The following CEACAM4 variants were observed in gnomAD, a reference collection of about 807,000 sequenced individuals.
CEACAM4 encodes the protein cell adhesion molecule CEACAM4.
In CEACAM4, 30 loss-of-function variants were observed where a neutral mutation model predicts 28.7. The observed-to-expected ratio is 1.05, with a 90% CI of 0.78 to 1.42. CEACAM4 has a LOEUF of 1.42. Among genes scored for constraint, CEACAM4 ranks in the 40% most tolerant of loss-of-function variants. The pLI is 0.00. For missense variants in CEACAM4, 330 were observed against 308.2 expected (o/e 1.07, Z -0.53); for synonymous variants, 143 against 126.5 (o/e 1.13, Z -0.87).
intron 3 of CEACAM4, 31 bp from the exon 4 acceptor site, chr19:41,620,658 G>T (rs782227720): frequency 1.3e-6 from 2 of 1,599,094 alleles, no homozygotes; most frequent in Admixed American, 1.7e-5. Flanking sequence ...TCATGAGGGT[G>T]CAGGGAGAAA....
At chr19:41,613,475 G>A in the CEACAM4 span, among the ~76,000 whole-genome samples, 66 of 150,872 alleles carry the variant, frequency 4.4e-4, no homozygotes, top group African/African-American at 1.4e-3. Context: ...AGGTCCTGGG[G>A]GATACAGGCC....
chr19:41,616,650 G>A (rs80338008), downstream of CEACAM4, among the ~76,000 whole-genome samples: 2,167 of 152,244 alleles, frequency 0.014, 48 homozygotes, highest in African/African-American at 0.049. Flanking sequence ...ACAAGGCTCA[G>A]CCTGGAGGAG....
chr19:41,618,605 G>A (rs2071058069), downstream of CEACAM4, among the ~76,000 whole-genome samples: 1 of 152,156 alleles, frequency 6.6e-6, no homozygotes, highest in South Asian at 2.1e-4. Flanking sequence ...GGCAGCAGGG[G>A]TCAGGACACT....
At chr19:41,620,529 A>C in intron 4 of CEACAM4, 46 bp downstream of exon 4, 1 of 1,543,534 alleles carries the variant, frequency 6.5e-7, no homozygotes, top group Non-Finnish European at 8.9e-7. Flanking sequence ...TGGACACCGT[A>C]GGGCAGGCCT....
At chr19:41,620,453 T>C in intron 4 of CEACAM4, 122 bp downstream of exon 4, 8 of 945,722 alleles carry the variant, frequency 8.5e-6, no homozygotes, top group Non-Finnish European at 1.3e-5. Context: ...TGTGTCATGT[T>C]TCCTGACATC....
chr19:41,619,989 G>A (rs1261237161), intron 5 of CEACAM4, among the ~76,000 whole-genome samples: 1 of 152,156 alleles, frequency 6.6e-6, no homozygotes, highest in Non-Finnish European at 1.5e-5. Flanking sequence ...GGACTCCAGG[G>A]TTCTCCTCAG....
intron 6 of CEACAM4, 49 bp from the exon 7 acceptor site, chr19:41,619,444 G>A (rs2071116069): frequency 1.9e-6 from 3 of 1,604,924 alleles, no homozygotes; most frequent in East Asian, 2.2e-5. Flanking sequence ...TCTCAGAACA[G>A]TGTCTGGCAT....
chr19:41,618,640 G>A (rs527792451), downstream of CEACAM4, among the ~76,000 whole-genome samples: 22 of 152,270 alleles, frequency 1.4e-4, no homozygotes, highest in South Asian at 2.7e-3. Flanking sequence ...GGCCACAGCC[G>A]CAACCTATAC....
At chr19:41,620,860 A>G (rs563948808) in intron 3 of CEACAM4, among the ~76,000 whole-genome samples, 33 of 151,918 alleles carry the variant, frequency 2.2e-4, no homozygotes, top group African/African-American at 8.0e-4. Context: ...GGGTGAGGAG[A>G]ACATTGACCC....
downstream of CEACAM4, among the ~76,000 whole-genome samples, chr19:41,616,350 T>C (rs535200182): frequency 6.6e-6 from 1 of 152,274 alleles, no homozygotes; most frequent in South Asian, 2.1e-4. Context: ...GATTCTTCAG[T>C]GTGTTCTGAT....
downstream of CEACAM4, among the ~76,000 whole-genome samples, chr19:41,616,536 GATA>G (rs2070987088): frequency 9.1e-5 from 11 of 120,296 alleles, no homozygotes; most frequent in African/African-American, 3.4e-4. Flanking sequence ...TAGATAGATA[GATA>G]GATAGATATT....
chr19:41,626,971 G>A lies in CEACAM4; in HGVS notation c.-8C>T. On this transcript the variant is annotated 5_prime_UTR_variant, in exon 1 of 7. Transcript: ENST00000221954. ...GGCTGAGGGGGGGCCCATGGTCTCT[G>A]CTGCCTGCTTGTCCTCTGTGGAGAG... 6.2e-7 allele frequency: 1 copy of A among 1,600,850 alleles called. No homozygotes were observed. Among genetic ancestry groups the A allele is most frequent in the Admixed American group, 1.7e-5 (1 of 58,304 alleles).
At chr19:41,616,526 TAGATAGA>T (rs2070986395), downstream of CEACAM4, among the ~76,000 whole-genome samples, 2 of 148,880 alleles carry the variant, frequency 1.3e-5, no homozygotes, top group East Asian at 3.9e-4. Flanking sequence ...GATAGATAGA[TAGATAGA>T]TAGATAGATA....
chr19:41,625,639 T>C lies in CEACAM4; in HGVS notation c.386A>G (p.Tyr129Cys). ...CTGGCCAGTTGCTTGGTCAGAGTCG[T>C]AACTGGCATTTATGGTTCGTAGGGT... ...SYTLRTINASYDSDQATGQLH... is the reference protein window; with the variant it reads ...SYTLRTINASCDSDQATGQLH... Residue 129 changes from tyrosine (Y) to cysteine (C), a missense_variant, in exon 2 of 7, where the codon TAC becomes TGC. Transcript: ENST00000221954. The C allele has an allele frequency of 1.9e-6, 3 of 1,596,696 alleles. No individual in the cohort carries two copies. Among genetic ancestry groups the C allele is most frequent in the Non-Finnish European group, 2.6e-6 (3 of 1,170,090 alleles).
chr19:41,625,379 G>A (rs1209030348), intron 2 of CEACAM4, among the ~76,000 whole-genome samples: 1 of 151,932 alleles, frequency 6.6e-6, no homozygotes, highest in Admixed American at 6.5e-5. Flanking sequence ...CCCTGCTGAG[G>A]CCCCCCCGCC....
At chr19:41,615,436 T>C (rs2070973174), downstream of CEACAM4, among the ~76,000 whole-genome samples, 1 of 151,938 alleles carries the variant, frequency 6.6e-6, no homozygotes, top group South Asian at 2.1e-4. Flanking sequence ...ACCTGGTGAT[T>C]CTTGTCAGAC....
At chr19:41,620,982 G>C (rs1402447994) in intron 3 of CEACAM4, among the ~76,000 whole-genome samples, 1 of 151,954 alleles carries the variant, frequency 6.6e-6, no homozygotes, top group Non-Finnish European at 1.5e-5. Flanking sequence ...GTGTGTGCAG[G>C]ACACTGGGGG....
At chr19:41,624,885 G>T (rs1448753642) in intron 2 of CEACAM4, among the ~76,000 whole-genome samples, 1 of 152,202 alleles carries the variant, frequency 6.6e-6, no homozygotes, top group Non-Finnish European at 1.5e-5. Context: ...TTGCCTCCAT[G>T]GGAGAGCACC....
rs1029387531 is a variant in CEACAM4 at position 41,619,118 on chromosome 19, A to C, written c.*212T>G. On this transcript the variant is annotated 3_prime_UTR_variant, in exon 7 of 7. Transcript: ENST00000221954. ...AGCCCCCGCTTCCTGTGGTGATGAG[A>C]GGCCTTTGTCCCGGCCCACCCAGAG... The C allele has an allele frequency of 1.0e-4, 57 of 565,174 alleles. No individual in the cohort carries two copies. The African/African-American group carries it at 1.0e-3, about 10-fold the overall frequency. 35.0% of individuals were successfully genotyped at this position (565,174 alleles called of 1,614,324 possible). A position where few individuals can be genotyped will look rare whatever the true frequency, so the allele number is the denominator to read the frequency against.
Sources: allele counts gnomAD v4.1 joint callset (sites outside exome capture counted in the v4.1 genomes callset), GRCh38; gene constraint gnomAD v4.1.1; transcripts MANE v1.5; gene names NCBI Gene and HGNC (gene_info 2026-07-23, HGNC 2026-07-21).